Variants in SFMBT2 observed in about 807,000 individuals in gnomAD.
SFMBT2 encodes scm-like with four MBT domains protein 2.
Under a neutral mutation model 110.1 loss-of-function variants are expected in SFMBT2, and 38 were observed. The observed-to-expected ratio is 0.35, with a 90% CI of 0.27 to 0.45. The LOEUF (loss-of-function observed/expected upper bound fraction) is 0.45, where lower values mean the gene tolerates loss of function less well. Among genes scored for constraint, SFMBT2 ranks in the 20% least tolerant of loss-of-function variants. SFMBT2 has a pLI of 1.00. For missense variants in SFMBT2, 1,011 were observed against 1,094.9 expected, an observed-to-expected ratio of 0.92 and a Z score of 1.08; for synonymous variants, 425 against 425.4, an observed-to-expected ratio of 1.00 and a Z score of 0.01.
At chr10:7,357,380 G>A (rs960534091) in intron 4 of SFMBT2, among the ~76,000 whole-genome samples, 40 of 152,114 alleles carry the variant, frequency 2.6e-4, no homozygotes, top group African/African-American at 8.4e-4. Context: ...GCTTGTGGGT[G>A]GGCCTCATCA....
At position 7,352,750 on chromosome 10, in the gene SFMBT2, G is replaced by A. The variant is rs527254484; in HGVS notation, c.436+14899C>T. On this transcript the variant is annotated intron_variant, in intron 4 of 20. Transcript: ENST00000397167. ...ACTGGGGCCGGGCGTGGTGGCTCACGCCTGTAATCCCAGCACTTTGGGAGG... is the reference window on the plus strand; with the variant it reads ...ACTGGGGCCGGGCGTGGTGGCTCACACCTGTAATCCCAGCACTTTGGGAGG... Among the ~76,000 whole-genome samples, 9 of 152,248 alleles carry A rather than the reference G, an allele frequency of 5.9e-5. No individual in the cohort carries two copies. The South Asian group carries it at 1.2e-3, about 21-fold the overall frequency.
intron 4 of SFMBT2, among the ~76,000 whole-genome samples, chr10:7,365,826 G>A (rs1233304527): frequency 6.6e-6 from 1 of 152,200 alleles, no homozygotes; most frequent in Non-Finnish European, 1.5e-5. Context: ...GGTTTTCCGG[G>A]GAGGGGGAGA....
intron 4 of SFMBT2, among the ~76,000 whole-genome samples, chr10:7,328,609 G>C (rs61837678): frequency 0.073 from 11,138 of 152,300 alleles, 539 homozygotes; most frequent in Non-Finnish European, 0.11. Flanking sequence ...AATCTGTTGA[G>C]TTAATTTTTA....
intron 4 of SFMBT2, among the ~76,000 whole-genome samples, chr10:7,319,880 GAGAGAGAC>G (rs140268059): frequency 0.043 from 6,467 of 150,260 alleles, 218 homozygotes; most frequent in African/African-American, 0.096. Context: ...GACAGAGAGG[GAGAGAGAC>G]AGAGAGACAG....
intron 2 of SFMBT2, 30 bp from the exon 3 acceptor site, chr10:7,370,405 A>G (rs1427902337): frequency 3.2e-6 from 5 of 1,572,876 alleles, no homozygotes; most frequent in East Asian, 2.2e-5. Context: ...CAGAATATCA[A>G]TACTGGAGTG....
intron 15 of SFMBT2, among the ~76,000 whole-genome samples, chr10:7,195,434 G>A (rs948385597): frequency 2.0e-5 from 3 of 152,190 alleles, no homozygotes; most frequent in Non-Finnish European, 4.4e-5. Flanking sequence ...CTTAGGCTTA[G>A]TGAGATGCGT....
intron 4 of SFMBT2, among the ~76,000 whole-genome samples, chr10:7,294,333 C>T (rs1588425328): frequency 6.6e-6 from 1 of 152,170 alleles, no homozygotes; most frequent in African/African-American, 2.4e-5. Context: ...AAACCTCATC[C>T]TAAACCTGTA....
chr10:7,405,108 A>G (rs1846178454), intron 1 of SFMBT2, among the ~76,000 whole-genome samples: 2 of 152,174 alleles, frequency 1.3e-5, no homozygotes, highest in Admixed American at 1.3e-4. Context: ...AGACCTGCCC[A>G]GCGGCCAAAC....
In SFMBT2 at chr10:7,367,667, C is replaced by A; in HGVS notation, c.418G>T (p.Val140Leu). ...PVGWCTQNNK[V>L]LMPPDAIKEK... ...GGCTCACCGTCCGGCGGCATCAACA[C>A]CTTGTTGTTCTGTGTGCACCACCCC... Residue 140 changes from valine (V) to leucine (L), a missense_variant, in exon 4 of 21, where the codon GTG (valine) becomes TTG (leucine). Val to Leu is a conservative substitution (Grantham distance 32). Coordinates refer to ENST00000397167, the MANE Select transcript of SFMBT2 (RefSeq NM_001387889.1). The surrounding 1 kb of genome is among the most constrained non-coding windows in gnomAD (Gnocchi z 6.2). 1.2e-6 allele frequency: 2 copies of A among 1,612,246 alleles called. No homozygotes were observed. The highest frequency in any genetic ancestry group is 8.5e-7 in the Non-Finnish European group (1 of 1,178,942).
intron 16 of SFMBT2, among the ~76,000 whole-genome samples, chr10:7,182,274 G>T (rs980024812): frequency 6.6e-6 from 1 of 152,198 alleles, no homozygotes; most frequent in Non-Finnish European, 1.5e-5. Flanking sequence ...CTGACCTCAG[G>T]TGATCCTCCC....
rs3065781 is a variant in SFMBT2, at chr10:7,335,582, AACACACACACAC to A, written c.436+32055_436+32066del. Among the ~76,000 whole-genome samples, 8 of 142,880 alleles carry A rather than the reference AACACACACACAC, an allele frequency of 5.6e-5. No homozygotes were observed. In the East Asian group the frequency reaches 8.3e-4, roughly 15 times the overall value. 93.7% of individuals were successfully genotyped at this position (142,880 alleles called of 152,430 possible). ...AAAGATATTCAGAAACAGAAACAGA[AACACACACACAC>A]ACACACACACACACACACACACACA... On this transcript the variant is annotated intron_variant, in intron 4 of 20. Coordinates refer to ENST00000397167, the MANE Select transcript of SFMBT2 (RefSeq NM_001387889.1).
chr10:7,210,766 G>A (rs770074693), intron 11 of SFMBT2, among the ~76,000 whole-genome samples: 5 of 152,194 alleles, frequency 3.3e-5, no homozygotes, highest in African/African-American at 7.2e-5. Flanking sequence ...AGCCCAGCGC[G>A]CAAAGCCTCC....
intron 7 of SFMBT2, among the ~76,000 whole-genome samples, chr10:7,253,050 G>T (rs1840864229): frequency 6.6e-6 from 1 of 152,292 alleles, no homozygotes; most frequent in Admixed American, 6.5e-5. Flanking sequence ...CACCCTAAAT[G>T]ACAGAGTTGG....
In SFMBT2 at chr10:7,160,413, T is replaced by C. The variant is rs1837520544; in HGVS notation, c.*3357A>G. 1 of 152,218 alleles carries C rather than the reference T, an allele frequency of 6.6e-6. No homozygotes were observed. Among genetic ancestry groups the C allele is most frequent in the Admixed American group, 6.5e-5 (1 of 15,276 alleles). 9.4% of individuals were successfully genotyped at this position (152,218 alleles called of 1,614,324 possible). A position where few individuals can be genotyped will look rare whatever the true frequency, so the allele number is the denominator to read the frequency against. On this transcript the variant is annotated 3_prime_UTR_variant, in exon 21 of 21. Coordinates refer to ENST00000397167, the MANE Select transcript of SFMBT2 (RefSeq NM_001387889.1). ...TGGGCTGTCATGATTCAAGTTGAGG[T>C]GGCATCTCTTTCTCAGGGTTTTCAA...
At chr10:7,229,594 CA>C (rs527488752) in intron 9 of SFMBT2, among the ~76,000 whole-genome samples, 121 of 116,456 alleles carry the variant, frequency 1.0e-3, no homozygotes, top group Middle Eastern at 5.4e-3. Context: ...GACTCCATCT[CA>C]AAAAAAAAAA....
At chr10:7,372,791 G>C (rs538390354) in intron 2 of SFMBT2, among the ~76,000 whole-genome samples, 51 of 152,342 alleles carry the variant, frequency 3.3e-4, no homozygotes, top group African/African-American at 1.2e-3. Context: ...ACGTCCTGAT[G>C]CAGTATCTAA....
chr10:7,188,591 A>C (rs1362504923), intron 16 of SFMBT2, 33 bp downstream of exon 16: 1 of 1,566,356 alleles, frequency 6.4e-7, no homozygotes, highest in Admixed American at 1.7e-5. Flanking sequence ...AGTATTACAA[A>C]AACCCTTGCT....
At chr10:7,235,544 C>T (rs527600195) in intron 9 of SFMBT2, among the ~76,000 whole-genome samples, 14 of 151,626 alleles carry the variant, frequency 9.2e-5, no homozygotes, top group African/African-American at 2.9e-4. Context: ...CACACACACA[C>T]GCAACCACAC....
intron 4 of SFMBT2, among the ~76,000 whole-genome samples, chr10:7,288,314 C>T (rs905459153): frequency 1.3e-5 from 2 of 152,202 alleles, no homozygotes; most frequent in African/African-American, 4.8e-5. Context: ...TATATGGCAA[C>T]GTCCCAGCCT....
Sources: gnomAD v4.1 joint callset for allele counts (sites outside exome capture counted in the v4.1 genomes callset) on GRCh38, gnomAD v4.1.1 for gene constraint, Gnocchi (gnomAD v3.1) non-coding constraint, MANE v1.5 for transcripts, NCBI Gene and HGNC (gene_info 2026-07-23, HGNC 2026-07-21) for gene names.